The following AKAP6 variants were observed in gnomAD, a reference collection of about 807,000 sequenced individuals.
The protein encoded by AKAP6 is A-kinase anchor protein 6.
A neutral mutation model predicts 188.5 loss-of-function variants in AKAP6; 58 were observed. The observed-to-expected ratio is 0.31, with a 90% CI of 0.25 to 0.38. The LOEUF (loss-of-function observed/expected upper bound fraction) is 0.38, where lower values mean the gene tolerates loss of function less well. Ranked by LOEUF, AKAP6 falls within the 10% of genes least tolerant of loss-of-function variation. The pLI is 1.00. For missense variants in AKAP6, 2,710 were observed against 2,740.0 expected (o/e 0.99, Z 0.24); for synonymous variants, 989 against 998.6 (o/e 0.99, Z 0.18).
chr14:32,748,159 A>G (rs1021497334), intron 11 of AKAP6, among the ~76,000 whole-genome samples: 4 of 152,242 alleles, frequency 2.6e-5, no homozygotes, highest in Middle Eastern at 3.2e-3. Flanking sequence ...AAAAAACTGG[A>G]AGAACATAAT....
chr14:32,794,717 AGCAT>A (rs764822547), intron 12 of AKAP6, among the ~76,000 whole-genome samples: 1 of 152,222 alleles, frequency 6.6e-6, no homozygotes, highest in Non-Finnish European at 1.5e-5. Flanking sequence ...TTAACAACCT[AGCAT>A]CTCAACTAGA....
chr14:32,765,708 T>TAA (rs35137560), intron 11 of AKAP6, among the ~76,000 whole-genome samples: 1,485 of 142,714 alleles, frequency 0.01, 15 homozygotes, highest in African/African-American at 0.03. Context: ...AGCCATAACT[T>TAA]AAAAAAAAAA....
intron 1 of AKAP6, among the ~76,000 whole-genome samples, chr14:32,418,859 C>G (rs1016373546): frequency 6.6e-6 from 1 of 152,102 alleles, no homozygotes; most frequent in Non-Finnish European, 1.5e-5. Flanking sequence ...TTATTATCTA[C>G]CAGCTTAAAC....
chr14:32,407,636 T>A (rs955804807), intron 1 of AKAP6, among the ~76,000 whole-genome samples: 10 of 152,224 alleles, frequency 6.6e-5, no homozygotes, highest in African/African-American at 2.4e-4. Flanking sequence ...TTCCGCTTCC[T>A]GATCTATCTC....
At chr14:32,349,862 A>G (rs1246456827) in intron 1 of AKAP6, among the ~76,000 whole-genome samples, 1 of 152,180 alleles carries the variant, frequency 6.6e-6, no homozygotes, top group Non-Finnish European at 1.5e-5. Flanking sequence ...TAGTTCAAGA[A>G]TGTAAGGAAA....
rs752886215 is a variant in AKAP6 at position 32,360,214 on chromosome 14, G to A, written c.-35+30806G>A. 2.6e-5 allele frequency among the ~76,000 whole-genome samples: 4 copies of A among 151,342 alleles called. No homozygotes were observed. The South Asian group carries it at 6.3e-4, about 24-fold the overall frequency. On this transcript the variant is annotated intron_variant, in intron 1 of 13. Transcript: ENST00000280979. ...GCAATCTTGGCTCATTGCAACCTCC[G>A]CCTCGTGGGTTCAAGCAATTCTCCT... is the stretch of plus-strand genomic sequence containing the variant.
At chr14:32,449,627 G>T (rs1054149017) in intron 2 of AKAP6, among the ~76,000 whole-genome samples, 8 of 152,076 alleles carry the variant, frequency 5.3e-5, no homozygotes, top group Non-Finnish European at 2.9e-5. Context: ...GAAGGGAAAT[G>T]CTTCAGAAAG....
intron 11 of AKAP6, among the ~76,000 whole-genome samples, chr14:32,757,230 C>T (rs949337737): frequency 1.3e-5 from 2 of 152,122 alleles, no homozygotes; most frequent in African/African-American, 4.8e-5. Context: ...TTCCTTAGCT[C>T]TTGTGAAGGT....
At chr14:32,576,828 T>A (rs1327729431) in intron 4 of AKAP6, among the ~76,000 whole-genome samples, 2 of 152,120 alleles carry the variant, frequency 1.3e-5, no homozygotes, top group African/African-American at 4.8e-5. Context: ...TTTGATGTTT[T>A]GAGGTCACCC....
chr14:32,600,714 G>T lies in AKAP6; in HGVS notation c.2652G>T (p.Arg884Ser). 6.2e-7 allele frequency: 1 copy of T among 1,613,634 alleles called. No homozygotes were observed. The highest frequency in any genetic ancestry group is 1.7e-4 in the Middle Eastern group (1 of 5,984). ...QIKRQHSWILRALDTIKAEIL... is the reference protein window; with the variant it reads ...QIKRQHSWILSALDTIKAEIL... ...AACGGCAGCACAGCTGGATTCTCAGGGCTCTGGATACCATCAAAGCCGAGA... is the reference window on the plus strand; with the variant it reads ...AACGGCAGCACAGCTGGATTCTCAGTGCTCTGGATACCATCAAAGCCGAGA... The change falls in exon 7 of 14, where the codon AGG becomes AGT. Residue 884 changes from arginine to serine, a missense_variant. Transcript: ENST00000280979.
At chr14:32,685,149 A>G (rs1566645903) in intron 8 of AKAP6, among the ~76,000 whole-genome samples, 1 of 152,206 alleles carries the variant, frequency 6.6e-6, no homozygotes, top group East Asian at 1.9e-4. Flanking sequence ...CTATGGTCCC[A>G]GCCACCTAGG....
chr14:32,358,625 CA>C (rs1187931973), intron 1 of AKAP6, among the ~76,000 whole-genome samples: 2 of 151,998 alleles, frequency 1.3e-5, no homozygotes, highest in East Asian at 3.9e-4. Flanking sequence ...GCCATGATTC[CA>C]ATAACACTGG....
At chr14:32,411,794 CTTTT>C (rs11404817) in intron 1 of AKAP6, among the ~76,000 whole-genome samples, 1 of 144,458 alleles carries the variant, frequency 6.9e-6, no homozygotes, top group Non-Finnish European at 1.5e-5. Context: ...CTCTCTTACT[CTTTT>C]TTTTTTTTTT....
Position 32,773,834 on chromosome 14 carries a change from A to G in AKAP6, c.3529A>G (p.Ile1177Val), listed in dbSNP as rs755131479. ...IVNLERRWEAIVMQAVQWQTR... is the reference protein window; with the variant it reads ...IVNLERRWEAVVMQAVQWQTR... ...AAATCTTGAAAGAAGGTGGGAAGCC[A>G]TTGTCATGCAAGCCGTCCAGTGGCA... Residue 1177 changes from isoleucine (I) to valine (V), a missense_variant, in exon 12 of 14, where the codon ATT (isoleucine) becomes GTT (valine). This residue lies in a region of AKAP6 where 2,473 missense variants were observed against 2,426.1 expected (regional missense o/e 1.02). Transcript: ENST00000280979. 3.7e-6 allele frequency: 6 copies of G among 1,614,126 alleles called. No individual in the cohort carries two copies. The highest frequency in any genetic ancestry group is 5.1e-6 in the Non-Finnish European group (6 of 1,180,000).
intron 1 of AKAP6, among the ~76,000 whole-genome samples, chr14:32,389,324 T>C (rs760450310): frequency 1.3e-5 from 2 of 152,184 alleles, no homozygotes; most frequent in Non-Finnish European, 2.9e-5. Context: ...AAGTGGAGCA[T>C]TTAGGCCATT....
chr14:32,827,139 C>T (rs998050261), intron 13 of AKAP6, among the ~76,000 whole-genome samples: 1 of 152,048 alleles, frequency 6.6e-6, no homozygotes, highest in African/African-American at 2.4e-5. Flanking sequence ...TGTTGACATG[C>T]CTTCAGTATT....
intron 2 of AKAP6, among the ~76,000 whole-genome samples, chr14:32,521,644 C>T (rs1881839200): frequency 1.3e-5 from 2 of 152,232 alleles, no homozygotes; most frequent in Middle Eastern, 3.4e-3. Context: ...TGTGAAGGAC[C>T]TCTTCAAGGA....
chr14:32,436,025 A>C (rs890425677), intron 2 of AKAP6, among the ~76,000 whole-genome samples: 1 of 152,352 alleles, frequency 6.6e-6, no homozygotes, highest in Admixed American at 6.5e-5. Flanking sequence ...ACTTGGGCAC[A>C]GAGTTTTATA....
chr14:32,667,263 G>GT (rs1479517401), intron 7 of AKAP6, among the ~76,000 whole-genome samples: 7 of 152,062 alleles, frequency 4.6e-5, no homozygotes, highest in Non-Finnish European at 8.8e-5. Context: ...GTTTACAATA[G>GT]TGTGTCTAAA....
Sources: allele counts gnomAD v4.1 joint callset (sites outside exome capture counted in the v4.1 genomes callset), GRCh38; gene constraint gnomAD v4.1.1; regional missense constraint gnomAD v4.1.1; transcripts MANE v1.5; gene names NCBI Gene and HGNC (gene_info 2026-07-23, HGNC 2026-07-21).